TANC2: variants seen among roughly 807,000 people sequenced by gnomAD.
The protein encoded by TANC2 is tetratricopeptide repeat, ankyrin repeat and coiled-coil containing 2.
In TANC2, 26 loss-of-function variants were observed where a neutral mutation model predicts 210.5. That is an observed-to-expected ratio of 0.12 (90% CI 0.09 to 0.17). TANC2 has a LOEUF of 0.17. Among genes scored for constraint, TANC2 ranks in the 10% least tolerant of loss-of-function variants. TANC2 has a pLI of 1.00. For synonymous variants in TANC2, 931 were observed against 967.1 expected (o/e 0.96, Z 0.69); for missense variants, 2,129 against 2,608.9 (o/e 0.82, Z 4.01).
chr17:63,081,109 T>A (rs956480216), intron 3 of TANC2, among the ~76,000 whole-genome samples: 2 of 152,178 alleles, frequency 1.3e-5, no homozygotes, highest in Non-Finnish European at 2.9e-5. Context: ...AAATGATAAA[T>A]CCCTCTGAAA....
intron 7 of TANC2, among the ~76,000 whole-genome samples, chr17:63,211,092 G>C (rs748848308): frequency 2.1e-4 from 32 of 151,990 alleles, no homozygotes; most frequent in Non-Finnish European, 3.4e-4. Flanking sequence ...GATTAATACA[G>C]ATCTTTTTGT....
chr17:63,358,347 T>G (rs1486661843), intron 14 of TANC2, among the ~76,000 whole-genome samples: 2 of 144,758 alleles, frequency 1.4e-5, no homozygotes, highest in African/African-American at 5.4e-5. Context: ...ACAAGGTGAG[T>G]AGAGTGAGAG....
chr17:63,230,592 T>C (rs2042449008), intron 7 of TANC2, among the ~76,000 whole-genome samples: 1 of 152,202 alleles, frequency 6.6e-6, no homozygotes, highest in Non-Finnish European at 1.5e-5. Context: ...TTGTGTGGTT[T>C]GGAGTGAGTT....
intron 1 of TANC2, among the ~76,000 whole-genome samples, chr17:62,994,304 C>T (rs2033006683): frequency 6.6e-6 from 1 of 151,730 alleles, no homozygotes; most frequent in African/African-American, 2.4e-5. Flanking sequence ...GCCTCAGCCT[C>T]CTGAGTATCT....
intron 4 of TANC2, among the ~76,000 whole-genome samples, chr17:63,141,646 C>G (rs1484762775): frequency 6.6e-6 from 1 of 151,572 alleles, no homozygotes; most frequent in African/African-American, 2.4e-5. Context: ...AGCTGTGTAC[C>G]TCACATTAGA....
intron 2 of TANC2, among the ~76,000 whole-genome samples, chr17:63,062,930 T>A (rs1383351604): frequency 6.6e-6 from 1 of 152,136 alleles, no homozygotes; most frequent in African/African-American, 2.4e-5. Context: ...TACTTAGAGT[T>A]TAGAGTCAAA....
At chr17:63,036,022 A>G (rs1487734970) in intron 2 of TANC2, among the ~76,000 whole-genome samples, 1 of 151,980 alleles carries the variant, frequency 6.6e-6, no homozygotes, top group African/African-American at 2.4e-5. Context: ...TCTTTTGCCC[A>G]TTTTTTATTT....
At chr17:63,134,300 T>C (rs1024180282) in intron 4 of TANC2, among the ~76,000 whole-genome samples, 2 of 152,198 alleles carry the variant, frequency 1.3e-5, no homozygotes, top group African/African-American at 4.8e-5. Context: ...CCACCCCCAC[T>C]ACCATGGTCA....
chr17:63,111,675 TA>T lies in TANC2; in HGVS notation c.322+12319del, dbSNP rs1371824181. Among the ~76,000 whole-genome samples, 4 of 152,202 alleles carry T rather than the reference TA, an allele frequency of 2.6e-5. No individual in the cohort carries two copies. The East Asian group carries it at 5.8e-4, about 22-fold the overall frequency. ...TATCAAAAAATTTCTGATATGGCAATATTTTTTTAGATGCTTCCATATGTTT... is the reference window on the plus strand; with the variant it reads ...TATCAAAAAATTTCTGATATGGCAATTTTTTTTAGATGCTTCCATATGTTT... On this transcript the variant is annotated intron_variant, in intron 4 of 27. Coordinates refer to ENST00000689528, the Ensembl canonical transcript of TANC2.
At chr17:63,233,361 G>A (rs1296111221) in intron 7 of TANC2, among the ~76,000 whole-genome samples, 2 of 152,168 alleles carry the variant, frequency 1.3e-5, no homozygotes, top group Admixed American at 1.3e-4. Context: ...CCCACGAGGG[G>A]GATCTCCTGA....
intron 14 of TANC2, among the ~76,000 whole-genome samples, chr17:63,356,263 G>A (rs1393111105): frequency 2.0e-5 from 3 of 152,042 alleles, no homozygotes; most frequent in African/African-American, 7.2e-5. Context: ...CTTTTACTCC[G>A]TCATACTAAC....
intron 3 of TANC2, among the ~76,000 whole-genome samples, chr17:63,083,833 T>C (rs1445435539): frequency 6.6e-6 from 1 of 152,200 alleles, no homozygotes; most frequent in Non-Finnish European, 1.5e-5. Flanking sequence ...GCATACCTGG[T>C]ATAAATACCA....
intron 3 of TANC2, among the ~76,000 whole-genome samples, chr17:63,098,296 G>C (rs986270245): frequency 1.3e-5 from 2 of 151,838 alleles, no homozygotes; most frequent in African/African-American, 4.8e-5. Flanking sequence ...GAAATATTTA[G>C]AGCTGAGCTT....
At chr17:63,361,511 T>C (rs1034729130) in intron 14 of TANC2, among the ~76,000 whole-genome samples, 5 of 152,180 alleles carry the variant, frequency 3.3e-5, no homozygotes, top group South Asian at 4.1e-4. Context: ...ACCAAACATA[T>C]TGCACGCAGC....
At chr17:63,172,892 G>A (rs559265869) in intron 5 of TANC2, among the ~76,000 whole-genome samples, 4 of 152,160 alleles carry the variant, frequency 2.6e-5, no homozygotes, top group Non-Finnish European at 5.9e-5. Flanking sequence ...TACCTTGGGG[G>A]TTAGGAGGGT....
At chr17:63,180,537 T>A (rs769079673) in intron 5 of TANC2, among the ~76,000 whole-genome samples, 4 of 152,216 alleles carry the variant, frequency 2.6e-5, no homozygotes, top group Non-Finnish European at 5.9e-5. Flanking sequence ...GTTTGTGTTA[T>A]CAGGAAGCTG....
intron 7 of TANC2, among the ~76,000 whole-genome samples, chr17:63,215,755 A>ATT (rs538458895): frequency 2.0e-5 from 3 of 148,422 alleles, no homozygotes; most frequent in Non-Finnish European, 4.5e-5. Context: ...TTTTATTATT[A>ATT]TTTTTTTTTT....
chr17:63,009,769 C>A, intron 2 of TANC2, 143 bp downstream of exon 2: 1 of 672,614 alleles, frequency 1.5e-6, no homozygotes, highest in Non-Finnish European at 2.5e-6. Context: ...CTTTCATACG[C>A]TTTATTAAGA....
chr17:63,125,196 C>T (rs2038660004), intron 4 of TANC2: 1 of 152,190 alleles, frequency 6.6e-6, no homozygotes, highest in African/African-American at 2.4e-5. Flanking sequence ...CTCTGTGCTT[C>T]AGTTTCCTCA....
Sources: gnomAD v4.1 joint callset for allele counts (sites outside exome capture counted in the v4.1 genomes callset) on GRCh38, gnomAD v4.1.1 for gene constraint, MANE v1.5 for transcripts, NCBI Gene and HGNC (gene_info 2026-07-23, HGNC 2026-07-21) for gene names.